NOX4: variants seen among roughly 807,000 people sequenced by gnomAD.
NOX4 encodes the protein NADPH oxidase 4, also known as kidney oxidase-1.
Under a neutral mutation model 87.6 loss-of-function variants are expected in NOX4, and 69 were observed. The ratio of observed to expected loss-of-function variants is 0.79; its 90% confidence interval spans 0.65 to 0.96. NOX4 has a LOEUF of 0.96. NOX4 is among the 40% of genes least tolerant of loss of function. The probability of loss-of-function intolerance (pLI) is 0.00; values close to 1 mark genes in which losing one functional copy is unlikely to be tolerated. For synonymous variants in NOX4, 275 were observed against 238.2 expected (o/e 1.15, Z -1.42); for missense variants, 680 against 681.5 (o/e 1.00, Z 0.02).
intron 14 of NOX4, among the ~76,000 whole-genome samples, chr11:89,341,794 A>T (rs1946014545): frequency 6.6e-6 from 1 of 152,154 alleles, no homozygotes; most frequent in Non-Finnish European, 1.5e-5. Flanking sequence ...GCTGATGAGG[A>T]CATAGAAAAT....
the NOX4 span, among the ~76,000 whole-genome samples, chr11:89,589,172 A>T: frequency 6.6e-6 from 1 of 152,154 alleles, no homozygotes; most frequent in Non-Finnish European, 1.5e-5. Context: ...ATCCAAGCTT[A>T]CACGGTTAGC....
At chr11:89,420,838 G>A (rs528248111) in intron 8 of NOX4, among the ~76,000 whole-genome samples, 1 of 152,214 alleles carries the variant, frequency 6.6e-6, no homozygotes, top group South Asian at 2.1e-4. Flanking sequence ...AAATGCATCT[G>A]GACAGAAAGG....
intron 16 of NOX4, among the ~76,000 whole-genome samples, chr11:89,336,930 T>A (rs1317508880): frequency 6.6e-6 from 1 of 152,052 alleles, no homozygotes; most frequent in Non-Finnish European, 1.5e-5. Context: ...TCTTCAATGT[T>A]GTCTTCAAAT....
upstream of NOX4, among the ~76,000 whole-genome samples, chr11:89,491,760 ACACAC>A (rs750596748): frequency 4.2e-5 from 6 of 143,546 alleles, no homozygotes; most frequent in South Asian, 2.1e-4. Context: ...ACACACACAC[ACACAC>A]AAGAAGACAC....
chr11:89,485,401 T>C (rs1591367464), intron 2 of NOX4, among the ~76,000 whole-genome samples: 1 of 151,998 alleles, frequency 6.6e-6, no homozygotes, highest in South Asian at 2.1e-4. Flanking sequence ...CTAAGACACA[T>C]TGAATATATA....
chr11:89,374,855 T>C (rs1395728541), intron 11 of NOX4, among the ~76,000 whole-genome samples: 3 of 152,094 alleles, frequency 2.0e-5, no homozygotes, highest in Non-Finnish European at 2.9e-5. Flanking sequence ...TGATTAGCGA[T>C]TGGGTTACAT....
intron 13 of NOX4, among the ~76,000 whole-genome samples, chr11:89,347,952 T>C (rs531267981): frequency 6.6e-5 from 10 of 152,306 alleles, no homozygotes; most frequent in African/African-American, 2.2e-4. Flanking sequence ...GGGTCTTCAT[T>C]GTCTTTACAA....
At chr11:89,530,377 C>T in the NOX4 span, among the ~76,000 whole-genome samples, 1 of 136,354 alleles carries the variant, frequency 7.3e-6, no homozygotes, top group Non-Finnish European at 1.5e-5. Flanking sequence ...GAGTCTCAAT[C>T]TATCACCTAG....
At chr11:89,535,538 A>G in the NOX4 span, among the ~76,000 whole-genome samples, 1 of 152,144 alleles carries the variant, frequency 6.6e-6, no homozygotes, top group African/African-American at 2.4e-5. Context: ...GCATCATGTA[A>G]TTTATTTTGA....
chr11:89,423,882 T>C (rs1232056242), intron 7 of NOX4, among the ~76,000 whole-genome samples: 11 of 151,658 alleles, frequency 7.3e-5, no homozygotes, highest in African/African-American at 2.7e-4. Flanking sequence ...ATTGAAACCT[T>C]GACCTTACGA....
chr11:89,482,371 A>G (rs1423759879), intron 2 of NOX4, among the ~76,000 whole-genome samples: 2 of 152,100 alleles, frequency 1.3e-5, no homozygotes, highest in African/African-American at 2.4e-5. Flanking sequence ...TTAACTCACA[A>G]TGTAACTATA....
intron 12 of NOX4, among the ~76,000 whole-genome samples, chr11:89,362,134 T>C (rs558733064): frequency 3.3e-5 from 5 of 151,644 alleles, no homozygotes; most frequent in African/African-American, 1.2e-4. Flanking sequence ...GTCATGGGTA[T>C]TGATCCCTAA....
chr11:89,540,183 AAAG>A, the NOX4 span, among the ~76,000 whole-genome samples: 30 of 152,314 alleles, frequency 2.0e-4, no homozygotes, highest in African/African-American at 6.7e-4. Flanking sequence ...AAAAAGAGAA[AAAG>A]AAGCCATATA....
chr11:89,460,200 A>T (rs1224030362), intron 2 of NOX4, among the ~76,000 whole-genome samples: 8 of 152,106 alleles, frequency 5.3e-5, no homozygotes, highest in South Asian at 2.1e-4. Context: ...CCTAAAATCA[A>T]AAAAACCCTA....
intron 11 of NOX4, among the ~76,000 whole-genome samples, chr11:89,387,743 C>A (rs987789275): frequency 1.3e-5 from 2 of 152,150 alleles, no homozygotes; most frequent in Admixed American, 6.5e-5. Flanking sequence ...GTAGGAAGCA[C>A]TAGGTTTCTT....
intron 6 of NOX4, among the ~76,000 whole-genome samples, chr11:89,434,317 A>T (rs317146): frequency 0.031 from 4,714 of 152,174 alleles, 256 homozygotes; most frequent in African/African-American, 0.11. Context: ...TCAGCACTTG[A>T]GTACTCGCAC....
At chr11:89,585,536 A>G in the NOX4 span, among the ~76,000 whole-genome samples, 28 of 152,158 alleles carry the variant, frequency 1.8e-4, no homozygotes, top group Non-Finnish European at 3.5e-4. Context: ...GCTGCAATTA[A>G]TCAACTCTGA....
At chr11:89,432,907 A>T in intron 6 of NOX4, 51 bp from the exon 7 acceptor site, 1 of 1,214,628 alleles carries the variant, frequency 8.2e-7, no homozygotes, top group Non-Finnish European at 1.2e-6. Context: ...GTGAGAAAAA[A>T]ATACAAAAAA....
the NOX4 span, among the ~76,000 whole-genome samples, chr11:89,575,418 GA>G: frequency 6.6e-6 from 1 of 151,994 alleles, no homozygotes; most frequent in Non-Finnish European, 1.5e-5. Context: ...GAAGATGAGT[GA>G]AAAATCAAAA....
Sources: gnomAD v4.1 joint callset for allele counts (sites outside exome capture counted in the v4.1 genomes callset) on GRCh38, gnomAD v4.1.1 for gene constraint, MANE v1.5 for transcripts, NCBI Gene and HGNC (gene_info 2026-07-23, HGNC 2026-07-21) for gene names.